Variants in PPIE observed in about 807,000 individuals in gnomAD.
The protein encoded by PPIE is peptidylprolyl isomerase E.
In PPIE, 20 loss-of-function variants were observed where a neutral mutation model predicts 38.4. The observed-to-expected ratio is 0.52, with a 90% CI of 0.37 to 0.76. The LOEUF is 0.76. PPIE is among the 30% of genes least tolerant of loss of function. The pLI is 0.00. For missense variants in PPIE, 322 were observed against 385.8 expected (o/e 0.83, Z 1.39); for synonymous variants, 142 against 135.7 (o/e 1.05, Z -0.32).
At chr1:39,742,160 C>T (rs1647073894) in intron 4 of PPIE, 2 of 505,358 alleles carry the variant, frequency 4.0e-6, no homozygotes, top group Non-Finnish European at 7.1e-6. Context: ...CTCTCACTGG[C>T]TCTCCCATGT....
chr1:39,753,584 T>C lies in PPIE; in HGVS notation c.*229T>C. On this transcript the variant is annotated 3_prime_UTR_variant, in exon 10 of 10. Transcript: ENST00000324379. ...CCAGCTCAGGTGCTCCCCTCCACCA[T>C]GGGCAGGCTGTGCAAAAAGCCACTG... 2 of 1,361,112 alleles carry C rather than the reference T, an allele frequency of 1.5e-6. No individual in the cohort carries two copies. Among genetic ancestry groups the C allele is most frequent in the Non-Finnish European group, 1.9e-6 (2 of 1,062,194 alleles). 84.3% of individuals were successfully genotyped at this position (1,361,112 alleles called of 1,614,324 possible).
chr1:39,761,818 G>T (rs773945331), intron 9 of PPIE, among the ~76,000 whole-genome samples: 10 of 152,220 alleles, frequency 6.6e-5, no homozygotes, highest in Non-Finnish European at 1.0e-4. Context: ...CTCACAGGAG[G>T]CGTCACCTCC....
rs767832534 is a variant in PPIE, at chr1:39,762,643, G to A, written c.838-1046G>A. On this transcript the variant is annotated intron_variant, in intron 9 of 9. Coordinates refer to the PPIE transcript ENST00000356511. ...CATCTAGAAGCTTCCTGCCTGCGGT[G>A]CGGCACAGGTGGGTGAGTGCACACG... 3 of 1,543,920 alleles carry A rather than the reference G, an allele frequency of 1.9e-6. No individual in the cohort carries two copies. In the South Asian group the frequency reaches 3.6e-5, roughly 19 times the overall value.
At chr1:39,761,775 C>T (rs1649018599) in intron 9 of PPIE, among the ~76,000 whole-genome samples, 1 of 152,252 alleles carries the variant, frequency 6.6e-6, no homozygotes, top group South Asian at 2.1e-4. Flanking sequence ...GGCCCAGTCT[C>T]TCCCCACTGA....
At chr1:39,758,966 C>T (rs2124400237), downstream of PPIE, 1 of 152,438 alleles carries the variant, frequency 6.6e-6, no homozygotes, top group Non-Finnish European at 1.5e-5. Context: ...AGAGGCGCAT[C>T]CTTGGGCCCA....
At chr1:39,743,769 T>G (rs1647121476) in intron 5 of PPIE, 55 bp from the exon 6 acceptor site, 2 of 1,465,914 alleles carry the variant, frequency 1.4e-6, no homozygotes. Flanking sequence ...AAGCAGCTAC[T>G]TTTCAGTTCA....
intron 6 of PPIE, 43 bp from the exon 7 acceptor site, chr1:39,745,332 C>T (rs777452205): frequency 1.2e-5 from 19 of 1,612,580 alleles, no homozygotes; most frequent in South Asian, 2.2e-5. Context: ...CTACTTAGGG[C>T]GTCAGGGAGC....
rs978332593 is a variant in PPIE at position 39,748,961 on chromosome 1, C to T, written c.567C>T (p.Phe189=). The T allele has an allele frequency of 6.2e-7, 1 of 1,614,162 alleles. No individual in the cohort carries two copies. Among genetic ancestry groups the T allele is most frequent in the African/African-American group, 1.3e-5 (1 of 75,050 alleles). The change falls in exon 8 of 10, where the codon TTC becomes TTT. Residue 189 remains phenylalanine, a synonymous_variant. Transcript: ENST00000324379. ...GCTTTGGCTTTAAGGGAAGCAGCTT[C>T]CACCGCATCATCCCCCAGTTCATGT... ...EKGFGFKGSS[F]HRIIPQFMCQ...
intron 2 of PPIE, among the ~76,000 whole-genome samples, chr1:39,740,878 T>C (rs1647039996): frequency 6.6e-6 from 1 of 152,266 alleles, no homozygotes; most frequent in South Asian, 2.1e-4. Flanking sequence ...GTTGGCTTTC[T>C]AAGGGCCTTC....
At chr1:39,745,223 C>T (rs1221286456) in intron 6 of PPIE, 152 bp from the exon 7 acceptor site, 2 of 1,039,296 alleles carry the variant, frequency 1.9e-6, no homozygotes, top group Non-Finnish European at 2.8e-6. Context: ...CTCCTGCCTC[C>T]TGCAGCCCTA....
downstream of PPIE, among the ~76,000 whole-genome samples, chr1:39,760,884 CTGTG>C (rs1445213058): frequency 1.1e-4 from 17 of 152,212 alleles, no homozygotes; most frequent in African/African-American, 3.6e-4. Context: ...GGAAGGAGAA[CTGTG>C]TGGCCAGGTT....
rs758435163 is a variant in PPIE at position 39,755,622 on chromosome 1, T to C, written c.*2267T>C. On this transcript the variant is annotated 3_prime_UTR_variant, in exon 10 of 10. Transcript: ENST00000324379. The stretch of plus-strand genomic sequence containing the variant: ...TGGACGAGAACCAGGAGAGAGTGTG[T>C]AGAAAAAGCACAGCCAGCCTCCCAT... 18 of 985,306 alleles carry C rather than the reference T, an allele frequency of 1.8e-5. No individual in the cohort carries two copies. The highest frequency in any genetic ancestry group is 2.2e-5 in the Non-Finnish European group (18 of 829,914). The allele number at this position is 985,306 out of a possible 1,614,324, so 61.0% of individuals were successfully genotyped here.
intron 7 of PPIE, 166 bp downstream of exon 7, chr1:39,745,664 G>A: frequency 9.0e-7 from 1 of 1,112,236 alleles, no homozygotes; most frequent in Non-Finnish European, 1.3e-6. Flanking sequence ...GTCAGAGCAG[G>A]TGTTTTTGAA....
At chr1:39,743,754 G>T in intron 5 of PPIE, 70 bp from the exon 6 acceptor site, 1 of 1,306,182 alleles carries the variant, frequency 7.7e-7, no homozygotes, top group South Asian at 1.2e-5. Flanking sequence ...CCACTTTGCT[G>T]ACCAAAGCAG....
intron 8 of PPIE, among the ~76,000 whole-genome samples, chr1:39,752,595 TC>T (rs1453390335): frequency 6.6e-6 from 1 of 152,228 alleles, no homozygotes; most frequent in African/African-American, 2.4e-5. Flanking sequence ...GATTGTGAGC[TC>T]CACCAGAGCT....
rs570412863 is a variant in PPIE at position 39,748,914 on chromosome 1, T to C, written c.520T>C (p.Cys174Arg). ...VVPMTAENFR[C>R]LCTHEKGFGF... ...TTTCTCAATTCCAGAGAATTTCCGC[T>C]GCCTGTGCACTCATGAAAAGGGCTT... Residue 174 changes from cysteine to arginine, a missense_variant, in exon 8 of 10, where the codon TGC becomes CGC. By Grantham distance (180) the Cys-to-Arg change is radical. Coordinates refer to ENST00000324379, the MANE Select transcript of PPIE (RefSeq NM_006112.4). 5.0e-6 allele frequency: 8 copies of C among 1,613,504 alleles called. No individual in the cohort carries two copies. In the South Asian group the frequency reaches 5.5e-5, roughly 11 times the overall value.
rs1204475690 is a variant in PPIE at position 39,756,437 on chromosome 1, C to T, written c.*3082C>T. Reference sequence around the variant, plus strand: ...CCTGAAACGGTTACAAAGGCTGAAACCAGGGATGGCAGGCCCAGGATCAGT... The same window carrying T: ...CCTGAAACGGTTACAAAGGCTGAAATCAGGGATGGCAGGCCCAGGATCAGT... On this transcript the variant is annotated 3_prime_UTR_variant, in exon 10 of 10. Coordinates refer to ENST00000324379, the MANE Select transcript of PPIE (RefSeq NM_006112.4). 2.1e-5 allele frequency: 21 copies of T among 985,314 alleles called. No individual in the cohort carries two copies. Among genetic ancestry groups the T allele is most frequent in the Non-Finnish European group, 2.5e-5 (21 of 829,950 alleles). The allele number at this position is 985,314 out of a possible 1,614,324, so 61.0% of individuals were successfully genotyped here.
intron 1 of PPIE, 160 bp downstream of exon 1, chr1:39,739,091 C>T (rs1646993420): frequency 1.4e-6 from 1 of 720,714 alleles, no homozygotes; most frequent in African/African-American, 1.9e-5. Context: ...TGCTTAAACT[C>T]CTTCCAAGGT....
chr1:39,748,804 T>C lies in PPIE; in HGVS notation c.509-99T>C, dbSNP rs776806324. The C allele has an allele frequency of 3.2e-5, 37 of 1,147,098 alleles. 2 individuals are homozygous for C. The highest frequency in any genetic ancestry group is 5.8e-4 in the Middle Eastern group (2 of 3,470). The allele number at this position is 1,147,098 out of a possible 1,614,324, so 71.1% of individuals were successfully genotyped here. On this transcript the variant is annotated intron_variant, in intron 7 of 9. Coordinates refer to ENST00000324379, the MANE Select transcript of PPIE (RefSeq NM_006112.4). ...AAAGGTTTATAATGAGTATCTCTTA[T>C]TTTAAAACAAAAATATGAACACTAA... is the stretch of plus-strand genomic sequence containing the variant.
Sources: allele counts gnomAD v4.1 joint callset (sites outside exome capture counted in the v4.1 genomes callset), GRCh38; gene constraint gnomAD v4.1.1; transcripts MANE v1.5; gene names NCBI Gene and HGNC (gene_info 2026-07-23, HGNC 2026-07-21).